Variants in SARDH observed in about 807,000 individuals in gnomAD.
The protein encoded by SARDH is sarcosine dehydrogenase, mitochondrial.
Under a neutral mutation model 109.1 loss-of-function variants are expected in SARDH, and 95 were observed. That is an observed-to-expected ratio of 0.87 (90% CI 0.74 to 1.03). The LOEUF is 1.03. Among genes scored for constraint, SARDH ranks in the 50% least tolerant of loss-of-function variants. The probability of loss-of-function intolerance (pLI) is 0.00; values close to 1 mark genes in which losing one functional copy is unlikely to be tolerated. For missense variants in SARDH, 1,267 were observed against 1,287.8 expected (o/e 0.98, Z 0.25); for synonymous variants, 572 against 534.8 (o/e 1.07, Z -0.96).
intron 15 of SARDH, among the ~76,000 whole-genome samples, chr9:133,691,178 AC>A (rs1831082082): frequency 7.2e-6 from 1 of 139,764 alleles, no homozygotes; most frequent in African/African-American, 3.0e-5. Context: ...CAACACACAC[AC>A]ACACACACAC....
rs1361629373 is a variant in SARDH at position 133,731,364 on chromosome 9, T to C, written c.631A>G (p.Met211Val). ...GTLYVPHDGT[M>V]DPAGTCTTLA... ...GTGGTACAGGTGCCAGCGGGGTCCA[T>C]GGTACCGTCGTGCGGCACATACAGG... The change falls in exon 4 of 21, where the codon ATG becomes GTG. Residue 211 changes from methionine (M) to valine (V), a missense_variant. Coordinates refer to ENST00000439388, the MANE Select transcript of SARDH (RefSeq NM_001134707.2). 1 of 1,614,184 alleles carries C rather than the reference T, an allele frequency of 6.2e-7. No homozygotes were observed. The highest frequency in any genetic ancestry group is 8.5e-7 in the Non-Finnish European group (1 of 1,180,024).
At chr9:133,691,145 C>A (rs1831077001) in intron 15 of SARDH, among the ~76,000 whole-genome samples, 1 of 151,340 alleles carries the variant, frequency 6.6e-6, no homozygotes, top group Non-Finnish European at 1.5e-5. Context: ...TCTATTCAGA[C>A]AGACACCCTA....
At chr9:133,720,285 G>A (rs867033460) in intron 6 of SARDH, among the ~76,000 whole-genome samples, 122 of 152,024 alleles carry the variant, frequency 8.0e-4, no homozygotes, top group African/African-American at 2.7e-3. Flanking sequence ...AAAATTAACC[G>A]GGCGTGGTGG....
Position 133,703,042 on chromosome 9 carries a change from G to C in SARDH, c.1555-13C>G. 1 of 1,607,918 alleles carries C rather than the reference G, an allele frequency of 6.2e-7. No homozygotes were observed. On this transcript the variant is annotated splice_polypyrimidine_tract_variant and intron_variant, in intron 12 of 20. Transcript: ENST00000439388. ...CGTACTCGAGGACCTGGGAAGAAAAGACGTGGTCCTCAGCCTGCCTCTTTG... is the reference window on the plus strand; with the variant it reads ...CGTACTCGAGGACCTGGGAAGAAAACACGTGGTCCTCAGCCTGCCTCTTTG...
intron 6 of SARDH, among the ~76,000 whole-genome samples, chr9:133,723,929 G>A (rs554047575): frequency 3.4e-4 from 51 of 152,222 alleles, no homozygotes; most frequent in Middle Eastern, 6.8e-3. Context: ...CTCACACCAT[G>A]CACAAAATTT....
chr9:133,719,555 C>T (rs766803857), intron 6 of SARDH, among the ~76,000 whole-genome samples: 13 of 152,084 alleles, frequency 8.5e-5, no homozygotes, highest in Non-Finnish European at 1.3e-4. Flanking sequence ...TGCGCTTGCT[C>T]ATGTATGGAA....
chr9:133,710,491 G>A (rs1831877283), intron 10 of SARDH, among the ~76,000 whole-genome samples: 1 of 152,238 alleles, frequency 6.6e-6, no homozygotes, highest in South Asian at 2.1e-4. Flanking sequence ...ACGCCCCCTC[G>A]CTGTGCGTGT....
chr9:133,696,127 G>A, intron 14 of SARDH, 96 bp downstream of exon 14: 2 of 1,476,978 alleles, frequency 1.4e-6, no homozygotes, highest in Non-Finnish European at 9.2e-7. Flanking sequence ...TGCTCAGGGT[G>A]CCCGAGGGGA....
At chr9:133,689,599 T>C (rs780661820) in intron 16 of SARDH, among the ~76,000 whole-genome samples, 1 of 152,206 alleles carries the variant, frequency 6.6e-6, no homozygotes, top group Non-Finnish European at 1.5e-5. Flanking sequence ...GTTTCTCAGT[T>C]TCTGCATCAG....
chr9:133,722,881 A>G (rs767801861), intron 6 of SARDH, among the ~76,000 whole-genome samples: 2 of 151,778 alleles, frequency 1.3e-5, no homozygotes, highest in Non-Finnish European at 1.5e-5. Flanking sequence ...CTGGTCTTGA[A>G]CTCCTGACCT....
At chr9:133,724,981 T>C (rs918352318) in intron 6 of SARDH, among the ~76,000 whole-genome samples, 4 of 152,010 alleles carry the variant, frequency 2.6e-5, no homozygotes, top group Admixed American at 2.6e-4. Context: ...TAACCAGAAA[T>C]GAGAAACACC....
At chr9:133,663,518 A>G (rs1226654430), downstream of SARDH, 1 of 264,716 alleles carries the variant, frequency 3.8e-6, no homozygotes, top group African/African-American at 2.2e-5. Context: ...GCCACCGATC[A>G]GTCAAGCCTG....
chr9:133,696,386 A>G (rs1302081997), intron 13 of SARDH, 25 bp from the exon 14 acceptor site: 2 of 1,613,648 alleles, frequency 1.2e-6, no homozygotes, highest in Non-Finnish European at 1.7e-6. Context: ...ACAGGTGGGA[A>G]TGCCACGGGG....
chr9:133,684,692 G>A (rs192560784), intron 17 of SARDH, among the ~76,000 whole-genome samples: 199 of 152,244 alleles, frequency 1.3e-3, no homozygotes, highest in Non-Finnish European at 1.6e-3. Context: ...AGAGTTGGTG[G>A]GGGACATGTG....
intron 17 of SARDH, among the ~76,000 whole-genome samples, chr9:133,674,551 G>A (rs1294571227): frequency 6.6e-6 from 1 of 152,176 alleles, no homozygotes; most frequent in Non-Finnish European, 1.5e-5. Flanking sequence ...ACTATTAAAC[G>A]AAATCAGCAA....
At chr9:133,735,946 A>G (rs1443002666) in intron 1 of SARDH, among the ~76,000 whole-genome samples, 1 of 152,046 alleles carries the variant, frequency 6.6e-6, no homozygotes, top group African/African-American at 2.4e-5. Flanking sequence ...AGGCTGAGAC[A>G]GGAGACTTGC....
chr9:133,722,726 G>C (rs1170502881), intron 6 of SARDH, among the ~76,000 whole-genome samples: 1 of 151,732 alleles, frequency 6.6e-6, no homozygotes, highest in Non-Finnish European at 1.5e-5. Flanking sequence ...CCAGGCTAGA[G>C]TGCAGTGGTG....
chr9:133,724,315 A>G (rs922492806), intron 6 of SARDH, among the ~76,000 whole-genome samples: 1 of 152,216 alleles, frequency 6.6e-6, no homozygotes, highest in African/African-American at 2.4e-5. Context: ...ACAACTCAAT[A>G]AAAAGATAAG....
chr9:133,734,778 C>A (rs181016109), intron 1 of SARDH, among the ~76,000 whole-genome samples: 81 of 152,322 alleles, frequency 5.3e-4, no homozygotes, highest in Non-Finnish European at 9.1e-4. Context: ...GTCTCAGGGA[C>A]ACTCACCCCC....
Sources: allele counts gnomAD v4.1 joint callset (sites outside exome capture counted in the v4.1 genomes callset), GRCh38; gene constraint gnomAD v4.1.1; transcripts MANE v1.5; gene names NCBI Gene and HGNC (gene_info 2026-07-23, HGNC 2026-07-21).